Variants in USP7 observed in about 807,000 individuals in gnomAD.
The protein encoded by USP7 is ubiquitin specific peptidase 7.
USP7 carries 9 observed loss-of-function variants against 162.9 expected under a neutral mutation model. The observed-to-expected ratio is 0.06, with a 90% CI of 0.03 to 0.10. USP7 has a LOEUF of 0.10. USP7 is among the 10% of genes least tolerant of loss of function. The pLI, the probability that USP7 is intolerant of heterozygous loss-of-function variation, is 1.00. For synonymous variants in USP7, 562 were observed against 475.9 expected, an observed-to-expected ratio of 1.18 and a Z score of -2.35; for missense variants, 715 against 1,373.7, an observed-to-expected ratio of 0.52 and a Z score of 7.58.
At position 8,919,094 on chromosome 16, in the gene USP7, C is replaced by T; in HGVS notation, c.657G>A (p.Gln219=). The T allele has an allele frequency of 3.1e-6, 5 of 1,614,116 alleles. No homozygotes were observed. The highest frequency in any genetic ancestry group is 4.2e-6 in the Non-Finnish European group (5 of 1,180,028). ...GGCTGTTCATGTAACAAGTCGCTCC[C>T]TGATTCTTTAAGCCGACGTAGCCTG... is the stretch of plus-strand genomic sequence containing the variant. ...KHTGYVGLKN[Q]GATCYMNSLL... is the part of the protein sequence containing the mutation. The change falls in exon 6 of 31, where the codon CAG becomes CAA. Residue 219 remains glutamine (Q), a synonymous_variant. Transcript: ENST00000344836.
chr16:8,930,973 T>C (rs200639055), intron 1 of USP7, among the ~76,000 whole-genome samples: 2 of 143,614 alleles, frequency 1.4e-5, no homozygotes, highest in African/African-American at 5.2e-5. Flanking sequence ...AGTCTCAAAT[T>C]AAAAAAAAAA....
chr16:8,893,259 G>C lies in USP7; in HGVS notation c.*739C>G, dbSNP rs1337336793. On this transcript the variant is annotated 3_prime_UTR_variant, in exon 31 of 31. Coordinates refer to ENST00000344836, the MANE Select transcript of USP7 (RefSeq NM_003470.3). ...TTATAATCCTTTCACCTGCTCGTATGAACTGTTGAGATCGTAAGTCTGCCA... is the reference window on the plus strand; with the variant it reads ...TTATAATCCTTTCACCTGCTCGTATCAACTGTTGAGATCGTAAGTCTGCCA... 1.3e-5 allele frequency: 2 copies of C among 152,106 alleles called. No individual in the cohort carries two copies. The highest frequency in any genetic ancestry group is 4.8e-5 in the African/African-American group (2 of 41,406). The allele number at this position is 152,106 out of a possible 1,614,324, so 9.4% of individuals were successfully genotyped here. A position where few individuals can be genotyped will look rare whatever the true frequency, so the allele number is the denominator to read the frequency against.
In USP7 at chr16:8,901,072, A is replaced by G. The variant is rs376025418; in HGVS notation, c.2141-15T>C. 2.4e-5 allele frequency: 39 copies of G among 1,614,012 alleles called. No individual in the cohort carries two copies. In the African/African-American group the frequency reaches 4.0e-4, roughly 17 times the overall value. On this transcript the variant is annotated splice_polypyrimidine_tract_variant and intron_variant, in intron 19 of 30. Transcript: ENST00000344836. ...GAGCAAGTCACCTAGGAGAAAGAAG[A>G]TATTTTAAATGTGTAGCTGTAATGT...
At position 8,906,573 on chromosome 16, in the gene USP7, G is replaced by A. The variant is rs1426962424; in HGVS notation, c.1281C>T (p.Phe427=). ...ATTCATCAAGTGGTAACTGCTCTGG[G>A]AATTCAAACCTATTAGAAAACATTT... ...QNIKINDRFE[F]PEQLPLDEFL... The change falls in exon 13 of 31, where the codon TTC becomes TTT. Residue 427 remains phenylalanine, a synonymous_variant. Transcript: ENST00000344836. 2 of 1,611,840 alleles carry A rather than the reference G, an allele frequency of 1.2e-6. No homozygotes were observed. The highest frequency in any genetic ancestry group is 2.2e-5 in the East Asian group (1 of 44,874).
intron 1 of USP7, among the ~76,000 whole-genome samples, chr16:8,937,419 G>T (rs912505098): frequency 2.0e-5 from 3 of 152,198 alleles, no homozygotes; most frequent in South Asian, 2.1e-4. Flanking sequence ...GCGCATGCCT[G>T]TAATCCCAGC....
chr16:8,905,696 CG>C (rs2061848793), intron 13 of USP7, among the ~76,000 whole-genome samples: 1 of 152,212 alleles, frequency 6.6e-6, no homozygotes, highest in African/African-American at 2.4e-5. Flanking sequence ...GCACACCAAA[CG>C]AGAGTTCAAA....
chr16:8,938,563 T>A (rs1358117547), intron 1 of USP7, among the ~76,000 whole-genome samples: 1 of 151,524 alleles, frequency 6.6e-6, no homozygotes, highest in East Asian at 1.9e-4. Flanking sequence ...ATACAAAAAC[T>A]TAGCTGGGCA....
At chr16:8,929,009 G>C (rs908671041) in intron 2 of USP7, among the ~76,000 whole-genome samples, 2 of 77,038 alleles carry the variant, frequency 2.6e-5, no homozygotes, top group Admixed American at 3.5e-4. Context: ...AAGAAGCTCC[G>C]CCCTATATCT....
chr16:8,928,719 C>T (rs544537816), intron 2 of USP7, among the ~76,000 whole-genome samples: 11 of 152,318 alleles, frequency 7.2e-5, no homozygotes, highest in African/African-American at 2.6e-4. Flanking sequence ...TCAACCTTCT[C>T]GGATTATACG....
chr16:8,930,169 C>G (rs1437770482), intron 2 of USP7, 124 bp downstream of exon 2: 4 of 650,754 alleles, frequency 6.1e-6, no homozygotes, highest in Non-Finnish European at 1.0e-5. Flanking sequence ...CAGTTACAGC[C>G]TCCTGAAAAC....
chr16:8,920,874 C>T (rs1167233989), intron 4 of USP7, among the ~76,000 whole-genome samples: 1 of 152,176 alleles, frequency 6.6e-6, no homozygotes, highest in African/African-American at 2.4e-5. Context: ...AGTACTATGC[C>T]TGAATCATGA....
intron 30 of USP7, 71 bp from the exon 31 acceptor site, chr16:8,894,175 G>T: frequency 1.4e-6 from 2 of 1,404,228 alleles, no homozygotes; most frequent in Non-Finnish European, 1.0e-6. Flanking sequence ...GTGGTGGCCA[G>T]TGAGGCATGC....
chr16:8,936,438 G>A, intron 1 of USP7: 2 of 774,486 alleles, frequency 2.6e-6, no homozygotes, highest in South Asian at 2.6e-5. Context: ...AAACTAGAAA[G>A]CAGTGATCTT....
At chr16:8,903,163 G>A (rs2061804433) in intron 16 of USP7, 105 bp downstream of exon 16, 1 of 1,447,030 alleles carries the variant, frequency 6.9e-7, no homozygotes, top group Non-Finnish European at 9.3e-7. Flanking sequence ...GGCAGTGGCT[G>A]GACACAGCAC....
chr16:8,948,343 T>C (rs1355553488), intron 1 of USP7, among the ~76,000 whole-genome samples: 1 of 152,128 alleles, frequency 6.6e-6, no homozygotes, highest in African/African-American at 2.4e-5. Flanking sequence ...CCATCATGGC[T>C]GACTAATTTT....
chr16:8,919,274 T>C (rs1405213191), intron 5 of USP7, 135 bp from the exon 6 acceptor site: 4 of 781,644 alleles, frequency 5.1e-6, no homozygotes, highest in South Asian at 4.7e-5. Context: ...CATCCTTCAA[T>C]GGTCACCGAT....
intron 20 of USP7, 51 bp downstream of exon 20, chr16:8,900,939 T>G (rs1567209251): frequency 9.5e-6 from 15 of 1,584,846 alleles, no homozygotes; most frequent in Non-Finnish European, 1.2e-5. Context: ...AACAAAACCC[T>G]CCACAAACTA....
intron 1 of USP7, among the ~76,000 whole-genome samples, chr16:8,955,088 T>G (rs1490786779): frequency 2.0e-5 from 3 of 152,282 alleles, no homozygotes; most frequent in African/African-American, 4.8e-5. Flanking sequence ...ACCCACTTTC[T>G]ATGAATCTGC....
chr16:8,938,814 G>C (rs1320836673), intron 1 of USP7, among the ~76,000 whole-genome samples: 2 of 151,966 alleles, frequency 1.3e-5, no homozygotes, highest in African/African-American at 4.8e-5. Flanking sequence ...TATTTACATA[G>C]CATTTACACT....
Sources: allele counts gnomAD v4.1 joint callset (sites outside exome capture counted in the v4.1 genomes callset), GRCh38; gene constraint gnomAD v4.1.1; transcripts MANE v1.5; gene names NCBI Gene and HGNC (gene_info 2026-07-23, HGNC 2026-07-21).